Variants in MYH10 observed in about 807,000 individuals in gnomAD.
MYH10 encodes myosin-10.
Under a neutral mutation model 257.8 loss-of-function variants are expected in MYH10, and 55 were observed. The ratio of observed to expected loss-of-function variants is 0.21; its 90% CI spans 0.17 to 0.27. The LOEUF is 0.27. Among genes scored for constraint, MYH10 ranks in the 10% least tolerant of loss-of-function variants. The pLI is 1.00. For missense variants in MYH10, 1,631 were observed against 2,500.6 expected (o/e 0.65, Z 7.42); for synonymous variants, 854 against 921.7 (o/e 0.93, Z 1.33).
chr17:8,536,983 C>T (rs1212076513), intron 14 of MYH10, among the ~76,000 whole-genome samples: 1 of 152,130 alleles, frequency 6.6e-6, no homozygotes, highest in African/African-American at 2.4e-5. Context: ...ATACTACAAA[C>T]ATCACTGACT....
chr17:8,577,649 A>G (rs906269529), intron 4 of MYH10, among the ~76,000 whole-genome samples: 1 of 152,180 alleles, frequency 6.6e-6, no homozygotes, highest in African/African-American at 2.4e-5. Flanking sequence ...TTTGTGCCTC[A>G]GCCTCCTAAG....
At chr17:8,484,380 G>C (rs1452569785) in intron 36 of MYH10, 114 bp from the exon 37 acceptor site, 2 of 977,834 alleles carry the variant, frequency 2.0e-6, no homozygotes. Flanking sequence ...CAAACTCAAG[G>C]CCTCAAGCAT....
chr17:8,595,622 G>A (rs2084337843), intron 3 of MYH10, among the ~76,000 whole-genome samples: 1 of 151,974 alleles, frequency 6.6e-6, no homozygotes, highest in South Asian at 2.1e-4. Context: ...AGTAGAGACA[G>A]TTTTCTCCAT....
At chr17:8,557,077 G>A (rs2151973847) in intron 7 of MYH10, among the ~76,000 whole-genome samples, 1 of 152,066 alleles carries the variant, frequency 6.6e-6, no homozygotes, top group Non-Finnish European at 1.5e-5. Flanking sequence ...TTCCCAAAGT[G>A]TTACTTTTTC....
At chr17:8,611,467 G>C (rs2085036404) in intron 2 of MYH10, among the ~76,000 whole-genome samples, 1 of 152,032 alleles carries the variant, frequency 6.6e-6, no homozygotes, top group Admixed American at 6.6e-5. Context: ...TATTGCCCTG[G>C]GTTACAATAT....
At chr17:8,493,342 T>C (rs4791317) in intron 32 of MYH10, among the ~76,000 whole-genome samples, 140,696 of 150,696 alleles carry the variant, frequency 0.93, 66,450 homozygotes, top group East Asian at 1. Context: ...AGACTCTATC[T>C]CAAGGAAAAA....
rs566158634 is a variant in MYH10 at position 8,480,675 on chromosome 17, A to G, written c.5265-150T>C. 123 of 1,008,482 alleles carry G rather than the reference A, an allele frequency of 1.2e-4. 1 individual carries two copies. In the African/African-American group the frequency reaches 1.6e-3, roughly 13 times the overall value. The allele number at this position is 1,008,482 out of a possible 1,614,324, so 62.5% of individuals were successfully genotyped here. ...CCCTGCACTCATCCCCAAATCCATCAGTAGGTCCCACTGATGACACTTCCA... is the reference window on the plus strand; with the variant it reads ...CCCTGCACTCATCCCCAAATCCATCGGTAGGTCCCACTGATGACACTTCCA... On this transcript the variant is annotated intron_variant, in intron 38 of 42. Transcript: ENST00000360416.
chr17:8,627,003 T>C (rs909491056), intron 1 of MYH10, among the ~76,000 whole-genome samples: 5 of 152,216 alleles, frequency 3.3e-5, no homozygotes, highest in Admixed American at 6.5e-5. Context: ...AATTGGGACA[T>C]CTTACATATT....
intron 26 of MYH10, among the ~76,000 whole-genome samples, chr17:8,508,132 C>T (rs1597684044): frequency 6.6e-6 from 1 of 152,132 alleles, no homozygotes; most frequent in East Asian, 1.9e-4. Flanking sequence ...ACAGTGAGCT[C>T]CTGGGCACAA....
chr17:8,625,166 G>A (rs906140186), intron 1 of MYH10, among the ~76,000 whole-genome samples: 15 of 152,170 alleles, frequency 9.9e-5, no homozygotes, highest in Non-Finnish European at 1.9e-4. Flanking sequence ...CAGGAGAATT[G>A]CTTGAACCTG....
rs942470135 is a variant in MYH10 at position 8,483,994 on chromosome 17, T to G, written c.5175+144A>C. 9 of 687,132 alleles carry G rather than the reference T, an allele frequency of 1.3e-5. No individual in the cohort carries two copies. The African/African-American group carries it at 1.7e-4, about 13-fold the overall frequency. 42.6% of individuals were successfully genotyped at this position (687,132 alleles called of 1,614,324 possible). A position where few individuals can be genotyped will look rare whatever the true frequency, so the allele number is the denominator to read the frequency against. ...GCAACAAGAAGGTTGAGGACCATATTAAAAATGGATACTTAAAAAAATAAA... is the reference window on the plus strand; with the variant it reads ...GCAACAAGAAGGTTGAGGACCATATGAAAAATGGATACTTAAAAAAATAAA... On this transcript the variant is annotated intron_variant, in intron 37 of 42. Coordinates refer to ENST00000360416, the MANE Select transcript of MYH10 (RefSeq NM_001256012.3).
chr17:8,518,167 T>C (rs1055747514), intron 21 of MYH10, among the ~76,000 whole-genome samples: 4 of 142,390 alleles, frequency 2.8e-5, no homozygotes, highest in African/African-American at 1.1e-4. Context: ...GGGTCTCACT[T>C]TGTCACCCAG....
At chr17:8,479,780 TC>T (rs1913359505) in intron 40 of MYH10, among the ~76,000 whole-genome samples, 1 of 152,220 alleles carries the variant, frequency 6.6e-6, no homozygotes, top group Non-Finnish European at 1.5e-5. Flanking sequence ...CTGCATTTGT[TC>T]TCTGGCAGCA....
chr17:8,544,857 T>C (rs991894458), intron 13 of MYH10, among the ~76,000 whole-genome samples: 16 of 152,296 alleles, frequency 1.1e-4, no homozygotes, highest in Admixed American at 9.8e-4. Flanking sequence ...AAATCTATTG[T>C]TAAACCCTGG....
intron 7 of MYH10, chr17:8,561,508 G>C: frequency 6.9e-7 from 1 of 1,446,672 alleles, no homozygotes; most frequent in South Asian, 1.1e-5. Context: ...AGCCCGCAAG[G>C]ACCGAACACC....
chr17:8,542,069 T>A, intron 14 of MYH10, 38 bp downstream of exon 14: 1 of 1,574,660 alleles, frequency 6.4e-7, no homozygotes, highest in Non-Finnish European at 8.6e-7. Context: ...ACTGCTTGAG[T>A]GGAAAATGAA....
chr17:8,619,287 T>C (rs1040456655), intron 2 of MYH10, among the ~76,000 whole-genome samples: 1 of 152,206 alleles, frequency 6.6e-6, no homozygotes, highest in Admixed American at 6.5e-5. Flanking sequence ...CAGTGAAGAA[T>C]AAAATGGTGC....
At chr17:8,597,609 ATAGTT>A (rs1195351507) in intron 3 of MYH10, among the ~76,000 whole-genome samples, 2 of 130,250 alleles carry the variant, frequency 1.5e-5, no homozygotes, top group African/African-American at 5.7e-5. Context: ...TTGATGCTAT[ATAGTT>A]TACTCATTTT....
chr17:8,511,803 TGCC>T, intron 24 of MYH10, among the ~76,000 whole-genome samples: 1 of 152,194 alleles, frequency 6.6e-6, no homozygotes, highest in African/African-American at 2.4e-5. Flanking sequence ...ATTTCATGTG[TGCC>T]TCCACCTGCT....
Sources: gnomAD v4.1 joint callset for allele counts (sites outside exome capture counted in the v4.1 genomes callset) on GRCh38, gnomAD v4.1.1 for gene constraint, MANE v1.5 for transcripts, NCBI Gene and HGNC (gene_info 2026-07-23, HGNC 2026-07-21) for gene names.